Variants in ADAR observed in about 807,000 individuals in gnomAD.
ADAR encodes adenosine deaminase RNA specific.
In ADAR, 41 loss-of-function variants were observed where a neutral mutation model predicts 113.2. The observed-to-expected ratio is 0.36, with a 90% CI of 0.28 to 0.47. ADAR has a LOEUF of 0.47. ADAR is among the 20% of genes least tolerant of loss of function. The probability of loss-of-function intolerance (pLI) is 1.00; values close to 1 mark genes in which losing one functional copy is unlikely to be tolerated. For missense variants in ADAR, 1,242 were observed against 1,540.9 expected (o/e 0.81, Z 3.25); for synonymous variants, 605 against 572.6 (o/e 1.06, Z -0.81).
chr1:154,589,571 C>T, intron 8 of ADAR, 109 bp from the exon 9 acceptor site: 2 of 1,216,850 alleles, frequency 1.6e-6, no homozygotes, highest in Non-Finnish European at 1.2e-6. Context: ...CTCAGTTTCT[C>T]AGATCCTAGA....
chr1:154,583,078 G>A lies in ADAR; in HGVS notation c.*1728C>T, dbSNP rs886045322. The A allele has an allele frequency of 4.6e-5, 7 of 152,384 alleles. No individual in the cohort carries two copies. In the South Asian group the frequency reaches 8.3e-4, roughly 18 times the overall value. 9.4% of individuals were successfully genotyped at this position (152,384 alleles called of 1,614,324 possible). A position where few individuals can be genotyped will look rare whatever the true frequency, so the allele number is the denominator to read the frequency against. On this transcript the variant is annotated 3_prime_UTR_variant, in exon 15 of 15. Transcript: ENST00000368474. Reference sequence around the variant, plus strand: ...AGAGGATGACCTAGTCAGCAGTTTGGAGGGAAATCATCTGAGGGTGCTGGC... The same window carrying A: ...AGAGGATGACCTAGTCAGCAGTTTGAAGGGAAATCATCTGAGGGTGCTGGC...
intron 12 of ADAR, 87 bp downstream of exon 12, chr1:154,586,094 A>G (rs1466986425): frequency 3.0e-5 from 46 of 1,535,258 alleles, no homozygotes; most frequent in Middle Eastern, 2.1e-4. Flanking sequence ...GATAAGGGAG[A>G]CAAAACACCT....
At chr1:154,593,089 TG>T in intron 6 of ADAR, among the ~76,000 whole-genome samples, 1 of 126,156 alleles carries the variant, frequency 7.9e-6, no homozygotes, top group African/African-American at 3.0e-5. Flanking sequence ...GAGCTGAGAC[TG>T]CGCCACTGCA....
intron 1 of ADAR, among the ~76,000 whole-genome samples, chr1:154,625,820 C>T (rs942831801): frequency 6.6e-6 from 1 of 152,114 alleles, no homozygotes; most frequent in Admixed American, 6.5e-5. Flanking sequence ...GCCTGGCCAA[C>T]ATGGTGAAAC....
intron 8 of ADAR, 24 bp downstream of exon 8, chr1:154,589,733 G>A (rs371802266): frequency 5.5e-5 from 88 of 1,613,954 alleles, no homozygotes; most frequent in East Asian, 5.1e-4. Flanking sequence ...CATGGGAGGC[G>A]GCATGTCTCA....
At chr1:154,588,460 A>T (rs1696910678) in intron 10 of ADAR, 91 bp downstream of exon 10, 1 of 1,571,044 alleles carries the variant, frequency 6.4e-7, no homozygotes, top group South Asian at 1.1e-5. Context: ...TTATTGTATC[A>T]GGTTCGATTT....
Position 154,601,123 on chromosome 1 carries a change from C to T in ADAR, c.1519G>A (p.Gly507Arg). ...TECQLKNPIS[G>R]LLEYAQFASQ... ...GCGAACTGGGCATATTCTAACAGCC[C>T]GCTGATGGGGTTCTTCAGCTGGCAC... The change falls in exon 2 of 15, where the codon GGG becomes AGG. Residue 507 changes from glycine (G) to arginine (R), a missense_variant. Physicochemically the swap from Gly to Arg is moderately radical, Grantham distance 125. This residue lies in a region of ADAR where 780 missense variants were observed against 1,057.9 expected (regional missense o/e 0.74). Transcript: ENST00000368474. This position sits in a 1 kb window ranked among gnomAD's most constrained non-coding sequence, Gnocchi z 4.7. 1.2e-6 allele frequency: 2 copies of T among 1,614,168 alleles called. No homozygotes were observed. Among genetic ancestry groups the T allele is most frequent in the South Asian group, 1.1e-5 (1 of 91,082 alleles).
rs1696890803 is a variant in ADAR at position 154,588,193 on chromosome 1, G to A, written c.2951C>T (p.Thr984Ile). Residue 984 changes from threonine to isoleucine, a missense_variant, in exon 11 of 15, where the codon ACA becomes ATA. By Grantham distance (89) the Thr-to-Ile change is moderately conservative (BLOSUM62 -1). Around this residue, in one of 2 missense-constraint regions of ADAR, gnomAD observed 780 missense variants for 1,057.9 expected, o/e 0.74. Transcript: ENST00000368474. ...KSCSDRAMES[T>I]ESRHYPVFEN... ...GAAGACAGGGTAGTGGCGGGATTCT[G>A]TGCTTTCCATAGCACGGTCGCTGCA... The A allele has an allele frequency of 1.2e-6, 2 of 1,613,974 alleles. No individual in the cohort carries two copies. The highest frequency in any genetic ancestry group is 4.5e-5 in the East Asian group (2 of 44,882).
At chr1:154,606,789 A>C (rs1698214026) in intron 1 of ADAR, among the ~76,000 whole-genome samples, 1 of 152,114 alleles carries the variant, frequency 6.6e-6, no homozygotes, top group South Asian at 2.1e-4. Context: ...ATTTCACTTT[A>C]ATCTGGTCTC....
At chr1:154,606,037 GCT>G (rs1698170153) in intron 1 of ADAR, 1 of 787,670 alleles carries the variant, frequency 1.3e-6, no homozygotes, top group Non-Finnish European at 1.5e-6. Context: ...ACGGAGTCTC[GCT>G]CTGTTGCCAA....
At chr1:154,599,930 C>T (rs777351299) in intron 2 of ADAR, among the ~76,000 whole-genome samples, 1 of 152,232 alleles carries the variant, frequency 6.6e-6, no homozygotes, top group Non-Finnish European at 1.5e-5. Context: ...GCTCCTCCAT[C>T]CTTTCCCCCC....
intron 3 of ADAR, 80 bp downstream of exon 3, chr1:154,598,322 T>C: frequency 2.7e-6 from 4 of 1,476,858 alleles, no homozygotes; most frequent in Non-Finnish European, 3.8e-6. Context: ...TTGTTTAGGC[T>C]GGGATTGCCT....
Position 154,585,861 on chromosome 1 carries a change from G to A in ADAR, c.3207C>T (p.Tyr1069=). 2 of 1,613,586 alleles carry A rather than the reference G, an allele frequency of 1.2e-6. No homozygotes were observed. Among genetic ancestry groups the A allele is most frequent in the Non-Finnish European group, 1.7e-6 (2 of 1,179,638 alleles). The change falls in exon 13 of 15, where the codon TAC becomes TAT. Residue 1069 remains tyrosine (Y), a synonymous_variant. Transcript: ENST00000368474. The part of the protein sequence containing the change: ...PIYLKSVTLG[Y]LFSQGHLTRA... ...GGGTCAGATGCCCTTGGCTGAAAAG[G>A]TAACCTGAGTACAAAAAAGAGAAAC...
rs761692405 is a variant in ADAR at position 154,586,173 on chromosome 1, C to T, written c.3202+8G>A. ...GACCAGTTCCAGATCCCAAGGCAGG[C>T]CCCTTACCCAATGTGACAGATTTGA... On this transcript the variant is annotated splice_region_variant and intron_variant, in intron 12 of 14. Coordinates refer to ENST00000368474, the MANE Select transcript of ADAR (RefSeq NM_001111.5). The T allele has an allele frequency of 2.5e-6, 4 of 1,613,904 alleles. No individual in the cohort carries two copies. Among genetic ancestry groups the T allele is most frequent in the Non-Finnish European group, 8.5e-7 (1 of 1,180,044 alleles).
At chr1:154,591,660 T>C (rs748157409) in intron 6 of ADAR, among the ~76,000 whole-genome samples, 1 of 152,232 alleles carries the variant, frequency 6.6e-6, no homozygotes, top group African/African-American at 2.4e-5. Flanking sequence ...AACCAGATCC[T>C]AATCTACTGG....
intron 1 of ADAR, among the ~76,000 whole-genome samples, chr1:154,615,095 C>T (rs1252377688): frequency 6.6e-6 from 1 of 152,232 alleles, no homozygotes; most frequent in Non-Finnish European, 1.5e-5. Flanking sequence ...AATGGATTCT[C>T]CCCTACAGCC....
Position 154,585,717 on chromosome 1 carries a change from G to C in ADAR, c.3315+36C>G, listed in dbSNP as rs375817867. On this transcript the variant is annotated intron_variant, in intron 13 of 14. Coordinates refer to ENST00000368474, the MANE Select transcript of ADAR (RefSeq NM_001111.5). ...GTTTACATGACTGCTTGAAAAGGAG[G>C]AAAATGTCAGGGAAAATAGAAGGGG... 24 of 1,555,058 alleles carry C rather than the reference G, an allele frequency of 1.5e-5. No homozygotes were observed. In the African/African-American group the frequency reaches 3.0e-4, roughly 19 times the overall value.
upstream of ADAR, among the ~76,000 whole-genome samples, chr1:154,611,451 G>A (rs1295131327): frequency 6.6e-6 from 1 of 151,896 alleles, no homozygotes; most frequent in Non-Finnish European, 1.5e-5. Flanking sequence ...CCATGGTTGT[G>A]AGGTGATGAT....
Position 154,619,746 on chromosome 1 carries a change from T to A in ADAR, c.-871+8109A>T, listed in dbSNP as rs187631575. Among the ~76,000 whole-genome samples, 316 of 152,302 alleles carry A rather than the reference T, an allele frequency of 2.1e-3. 1 individual carries two copies. Among genetic ancestry groups the A allele is most frequent in the African/African-American group, 7.2e-3 (301 of 41,564 alleles). On this transcript the variant is annotated intron_variant, in intron 1 of 14. Coordinates refer to the ADAR transcript ENST00000368471. ...AACATGTAATAAAACCACAATGGGATGCCGCTTCACAGCTACAGAATGGCT... is the reference window on the plus strand; with the variant it reads ...AACATGTAATAAAACCACAATGGGAAGCCGCTTCACAGCTACAGAATGGCT...
Sources: allele counts gnomAD v4.1 joint callset (sites outside exome capture counted in the v4.1 genomes callset), GRCh38; gene constraint gnomAD v4.1.1; regional missense constraint gnomAD v4.1.1; non-coding constraint Gnocchi (gnomAD v3.1); transcripts MANE v1.5; gene names NCBI Gene and HGNC (gene_info 2026-07-23, HGNC 2026-07-21).